DHX57: variants seen among roughly 807,000 people sequenced by gnomAD.
The protein encoded by DHX57 is putative ATP-dependent RNA helicase DHX57.
DHX57 carries 105 observed loss-of-function variants against 156.2 expected under a neutral mutation model. The ratio of observed to expected loss-of-function variants is 0.67; its 90% CI spans 0.57 to 0.79. The LOEUF is 0.79. Ranked by LOEUF, DHX57 falls within the 30% of genes least tolerant of loss-of-function variation. DHX57 has a pLI of 0.00. For missense variants in DHX57, 1,847 were observed against 1,661.9 expected, an observed-to-expected ratio of 1.11 and a Z score of -1.94; for synonymous variants, 704 against 595.6, an observed-to-expected ratio of 1.18 and a Z score of -2.65.
chr2:38,827,416 G>A (rs1008955511), intron 14 of DHX57, among the ~76,000 whole-genome samples: 1 of 144,962 alleles, frequency 6.9e-6, no homozygotes, highest in African/African-American at 2.5e-5. Context: ...AACCTGGGAG[G>A]CGGAGGTTGC....
chr2:38,802,663 T>G, intron 23 of DHX57, 52 bp downstream of exon 23: 1 of 1,604,132 alleles, frequency 6.2e-7, no homozygotes, highest in South Asian at 1.1e-5. Context: ...CTTCATATTG[T>G]CAAAGCCCCT....
At chr2:38,863,158 G>A (rs1350637286) in intron 3 of DHX57, 4 of 539,622 alleles carry the variant, frequency 7.4e-6, no homozygotes, top group Non-Finnish European at 1.3e-5. Context: ...AGATAAAAAG[G>A]CAATCCCATG....
chr2:38,827,918 G>A (rs1205727280), intron 14 of DHX57, among the ~76,000 whole-genome samples: 2 of 152,098 alleles, frequency 1.3e-5, no homozygotes, highest in Non-Finnish European at 2.9e-5. Context: ...GCGCAATGGT[G>A]TGATCTCAGC....
Position 38,861,695 on chromosome 2 carries a change from T to C in DHX57, c.715A>G (p.Ile239Val). The change falls in exon 5 of 24, where the codon ATA becomes GTA. Residue 239 changes from isoleucine to valine, a missense_variant. Ile to Val is a conservative substitution (Grantham distance 29). Transcript: ENST00000457308. ...RMKISEAVNQ[I>V]SLDECMEQRQ... Reference sequence around the variant, plus strand: ...TGTTCCATACACTCATCCAAGCTTATCTGGTTGACTGCCTCAGAGATCTTC... The same window carrying C: ...TGTTCCATACACTCATCCAAGCTTACCTGGTTGACTGCCTCAGAGATCTTC... 6.2e-7 allele frequency: 1 copy of C among 1,614,160 alleles called. No individual in the cohort carries two copies. Among genetic ancestry groups the C allele is most frequent in the Non-Finnish European group, 8.5e-7 (1 of 1,180,026 alleles).
At chr2:38,822,445 G>A (rs951231764) in intron 17 of DHX57, among the ~76,000 whole-genome samples, 7 of 151,706 alleles carry the variant, frequency 4.6e-5, no homozygotes, top group Non-Finnish European at 7.4e-5. Context: ...CGCCAGGCTG[G>A]AATGTGGTGG....
At chr2:38,852,683 T>G (rs970595794) in intron 9 of DHX57, among the ~76,000 whole-genome samples, 1 of 150,246 alleles carries the variant, frequency 6.7e-6, no homozygotes, top group Non-Finnish European at 1.5e-5. Flanking sequence ...GGTGCAATCA[T>G]AGCACACCAC....
chr2:38,832,429 T>A, intron 13 of DHX57, among the ~76,000 whole-genome samples: 1 of 151,764 alleles, frequency 6.6e-6, no homozygotes, highest in East Asian at 1.9e-4. Context: ...TGACAGAGAC[T>A]CTGTCTCAAA....
chr2:38,830,027 C>G (rs902656060), intron 13 of DHX57, among the ~76,000 whole-genome samples: 1 of 152,094 alleles, frequency 6.6e-6, no homozygotes, highest in Non-Finnish European at 1.5e-5. Flanking sequence ...GTGCTTTATT[C>G]AGGGAGAAAA....
In DHX57 at chr2:38,826,024, T is replaced by C; in HGVS notation, c.2837A>G (p.Glu946Gly). 1.9e-6 allele frequency: 3 copies of C among 1,614,084 alleles called. No homozygotes were observed. Among genetic ancestry groups the C allele is most frequent in the Non-Finnish European group, 2.5e-6 (3 of 1,179,954 alleles). The change falls in exon 16 of 24, where the codon GAA (glutamate) becomes GGA (glycine). Residue 946 changes from glutamate (E) to glycine (G), a missense_variant. Transcript: ENST00000457308. ...AGATACAAAGGTGTCCTCTAGACTT[T>C]CCATCCCTTTGCTGGCATCATATCT... Reference protein sequence around the residue: ...EKRYDASKGMESLEDTFVSQA... With the variant: ...EKRYDASKGMGSLEDTFVSQA...
chr2:38,813,750 C>T, intron 21 of DHX57, 71 bp downstream of exon 21: 1 of 1,524,828 alleles, frequency 6.6e-7, no homozygotes, highest in Non-Finnish European at 9.1e-7. Flanking sequence ...TTAATATGCA[C>T]ATCTTAACTT....
chr2:38,818,851 A>G (rs1164006034), intron 19 of DHX57, 26 bp downstream of exon 19: 1 of 1,613,208 alleles, frequency 6.2e-7, no homozygotes, highest in East Asian at 2.2e-5. Flanking sequence ...TAAAAAAATG[A>G]AGAAAAAGCC....
rs780781252 is a variant in DHX57, at chr2:38,863,379, T to C, written c.365A>G (p.Asp122Gly). 3 of 1,612,308 alleles carry C rather than the reference T, an allele frequency of 1.9e-6. No homozygotes were observed. Among genetic ancestry groups the C allele is most frequent in the Non-Finnish European group, 1.7e-6 (2 of 1,179,638 alleles). Residue 122 changes from aspartate to glycine, a missense_variant, in exon 3 of 24, where the codon GAT (aspartate) becomes GGT (glycine). Asp to Gly is a moderately conservative substitution (Grantham distance 94). Coordinates refer to ENST00000457308, the MANE Select transcript of DHX57 (RefSeq NM_198963.3). ...AATTTACTCAGATCCAGCATCAGCA[T>C]CTTGTTCTTGCAGGTCTCGGAGAAG... ...KALLRDLQEQ[D>G]ADAGSERGLS... is the part of the protein sequence containing the mutation.
At chr2:38,867,292 C>T (rs1322985560) in intron 2 of DHX57, 1 of 152,194 alleles carries the variant, frequency 6.6e-6, no homozygotes, top group Non-Finnish European at 1.5e-5. Context: ...TTTTTCAGAA[C>T]ACATCTCTGT....
intron 11 of DHX57, among the ~76,000 whole-genome samples, chr2:38,844,954 T>A (rs1199702888): frequency 6.6e-6 from 1 of 152,164 alleles, no homozygotes; most frequent in African/African-American, 2.4e-5. Flanking sequence ...TGAAAATTTC[T>A]AAGAATAGGA....
At chr2:38,855,775 TA>T (rs1672865478) in intron 7 of DHX57, among the ~76,000 whole-genome samples, 1 of 152,012 alleles carries the variant, frequency 6.6e-6, no homozygotes, top group African/African-American at 2.4e-5. Context: ...GCAGGAAAAA[TA>T]ACGCACCATA....
intron 12 of DHX57, chr2:38,838,738 G>C (rs1290526181): frequency 8.8e-6 from 4 of 453,740 alleles, no homozygotes; most frequent in Non-Finnish European, 1.8e-5. Context: ...TGAACCTTTA[G>C]GTTCCTTTGA....
chr2:38,856,657 C>T, intron 6 of DHX57, 196 bp from the exon 7 acceptor site: 1 of 540,070 alleles, frequency 1.9e-6, no homozygotes, highest in Non-Finnish European at 2.9e-6. Context: ...GTGTGTGCCA[C>T]TATACCCGGC....
chr2:38,813,375 A>C (rs1670368239), intron 21 of DHX57, among the ~76,000 whole-genome samples: 1 of 151,578 alleles, frequency 6.6e-6, no homozygotes, highest in African/African-American at 2.4e-5. Context: ...ATGTATACTA[A>C]GTTTTTTTTT....
At chr2:38,828,792 C>G (rs1386467961) in intron 13 of DHX57, among the ~76,000 whole-genome samples, 1 of 150,958 alleles carries the variant, frequency 6.6e-6, no homozygotes, top group Admixed American at 6.6e-5. Flanking sequence ...AGGATTTAAA[C>G]AAATAAATAA....
Sources: allele counts gnomAD v4.1 joint callset (sites outside exome capture counted in the v4.1 genomes callset), GRCh38; gene constraint gnomAD v4.1.1; transcripts MANE v1.5; gene names NCBI Gene and HGNC (gene_info 2026-07-23, HGNC 2026-07-21).